The following TFAP4 variants were observed in gnomAD, a reference collection of about 807,000 sequenced individuals.
TFAP4 encodes the protein activating enhancer-binding protein 4.
A neutral mutation model predicts 40.4 loss-of-function variants in TFAP4; 7 were observed. That is an observed-to-expected ratio of 0.17 (90% confidence interval 0.10 to 0.33). TFAP4 has a LOEUF of 0.33. Ranked by LOEUF, TFAP4 falls within the 10% of genes least tolerant of loss-of-function variation. TFAP4 has a pLI of 1.00. For synonymous variants in TFAP4, 218 were observed against 181.4 expected, an observed-to-expected ratio of 1.20 and a Z score of -1.62; for missense variants, 374 against 451.1, an observed-to-expected ratio of 0.83 and a Z score of 1.55.
At position 4,261,786 on chromosome 16, in the gene TFAP4, T is replaced by C; in HGVS notation, c.518A>G (p.Glu173Gly). ...CAGAGGGCGCTGCCTCACCTGCTCC[T>C]CCAGCATCATGCGCACCGAGCGCTC... ...DKERSVRMML[E>G]EQVRSLEAHM... is the part of the protein sequence containing the mutation. Residue 173 changes from glutamate to glycine, a missense_variant, in exon 4 of 7, where the codon GAG (glutamate) becomes GGG (glycine). Glu to Gly is a moderately conservative substitution (Grantham distance 98). This residue lies in a region of TFAP4 where 161 missense variants were observed against 154.2 expected (regional missense o/e 1.04). Transcript: ENST00000204517. 6.2e-7 allele frequency: 1 copy of C among 1,606,462 alleles called. No homozygotes were observed. The highest frequency in any genetic ancestry group is 1.1e-5 in the South Asian group (1 of 90,144).
intron 1 of TFAP4, chr16:4,266,876 T>C (rs945253392): frequency 1.3e-5 from 2 of 152,282 alleles, no homozygotes; most frequent in African/African-American, 4.8e-5. Flanking sequence ...TTCTCTTTTT[T>C]CTTTTGACTG....
At chr16:4,259,388 G>T (rs2052925957) in intron 6 of TFAP4, among the ~76,000 whole-genome samples, 1 of 152,066 alleles carries the variant, frequency 6.6e-6, no homozygotes, top group Non-Finnish European at 1.5e-5. Context: ...ACCCACTTTG[G>T]CCTCCCAAAG....
Position 4,257,634 on chromosome 16 carries a change from C to CA in TFAP4, c.*420dup. On this transcript the variant is annotated 3_prime_UTR_variant, in exon 7 of 7. Coordinates refer to ENST00000204517, the MANE Select transcript of TFAP4 (RefSeq NM_003223.3). Reference sequence around the variant, plus strand: ...TGCTTAAAGGAGAAAGAAGAAAACCCAAAAAGAGGAAGGAAAGGGGATTGA... The same window carrying CA: ...TGCTTAAAGGAGAAAGAAGAAAACCCAAAAAAGAGGAAGGAAAGGGGATTGA... 6.1e-6 allele frequency: 1 copy of CA among 162,840 alleles called. No homozygotes were observed. The highest frequency in any genetic ancestry group is 1.3e-5 in the Non-Finnish European group (1 of 74,098). The allele number at this position is 162,840 out of a possible 1,614,324, so 10.1% of individuals were successfully genotyped here. A position where few individuals can be genotyped will look rare whatever the true frequency, so the allele number is the denominator to read the frequency against.
chr16:4,257,758 G>T lies in TFAP4; in HGVS notation c.*297C>A. 3.2e-6 allele frequency: 1 copy of T among 315,744 alleles called. No homozygotes were observed. The highest frequency in any genetic ancestry group is 2.1e-5 in the African/African-American group (1 of 46,558). 19.6% of individuals were successfully genotyped at this position (315,744 alleles called of 1,614,324 possible). On this transcript the variant is annotated 3_prime_UTR_variant, in exon 7 of 7. Coordinates refer to ENST00000204517, the MANE Select transcript of TFAP4 (RefSeq NM_003223.3). ...AAAAAACATATTTAAAGGAAAAAAT[G>T]CTTTTTGGCAGAGAGAGGCCAGGCA...
intron 3 of TFAP4, 68 bp from the exon 4 acceptor site, chr16:4,262,017 T>C: frequency 6.8e-7 from 1 of 1,477,958 alleles, no homozygotes; most frequent in Non-Finnish European, 9.0e-7. Context: ...TGGGGTTCCA[T>C]CGCAGCCCCC....
In TFAP4 at chr16:4,259,168, G is replaced by A. The variant is rs187237570; in HGVS notation, c.823-919C>T. ...TTGTTTTTTGAGAAAGAGTCTCACC[G>A]TGTCACCCAGGCTGGAGTTCAGTGG... On this transcript the variant is annotated intron_variant, in intron 6 of 6. Coordinates refer to ENST00000204517, the MANE Select transcript of TFAP4 (RefSeq NM_003223.3). Among the ~76,000 whole-genome samples, 167 of 151,968 alleles carry A rather than the reference G, an allele frequency of 1.1e-3. 1 individual carries two copies. Among genetic ancestry groups the A allele is most frequent in the African/African-American group, 3.6e-3 (151 of 41,442 alleles).
Position 4,272,765 on chromosome 16 carries a change from T to G in TFAP4, c.-19A>C. On this transcript the variant is annotated 5_prime_UTR_variant, in exon 1 of 7. Coordinates refer to ENST00000204517, the MANE Select transcript of TFAP4 (RefSeq NM_003223.3). ...ACTCCATAGCGATCGGCCCCCCTCC[T>G]CTGCACGAGCCAGGTCCCGCGATCA... is the stretch of plus-strand genomic sequence containing the variant. 6.2e-7 allele frequency: 1 copy of G among 1,610,408 alleles called. No homozygotes were observed. Among genetic ancestry groups the G allele is most frequent in the South Asian group, 1.1e-5 (1 of 90,866 alleles).
rs371334031 is a variant in TFAP4 at position 4,262,489 on chromosome 16, C to T, written c.255+47G>A. On this transcript the variant is annotated intron_variant, in intron 2 of 6. Coordinates refer to ENST00000204517, the MANE Select transcript of TFAP4 (RefSeq NM_003223.3). Reference sequence around the variant, plus strand: ...ACCAGAGCTCACTTTCCTCTCCCAGCGGGAACCTGCCGGCTCCTCCAGGAA... The same window carrying T: ...ACCAGAGCTCACTTTCCTCTCCCAGTGGGAACCTGCCGGCTCCTCCAGGAA... 1.1e-4 allele frequency: 185 copies of T among 1,613,264 alleles called. 2 individuals carry two copies. The South Asian group carries it at 1.9e-3, about 16-fold the overall frequency.
intron 1 of TFAP4, chr16:4,264,120 T>C (rs1413604332): frequency 6.6e-6 from 1 of 152,574 alleles, no homozygotes; most frequent in Non-Finnish European, 1.5e-5. Context: ...GGAAAAGGGT[T>C]CTGGGCAGCT....
chr16:4,262,441 C>T lies in TFAP4; in HGVS notation c.256-19G>A, dbSNP rs1333681024. 6.2e-7 allele frequency: 1 copy of T among 1,613,892 alleles called. No individual in the cohort carries two copies. The highest frequency in any genetic ancestry group is 1.3e-5 in the African/African-American group (1 of 74,908). The stretch of plus-strand genomic sequence containing the variant: ...TGGCTGCCTGAGGGCGTGGAAAAGC[C>T]GAGAGTCAGGCTGGCAGTGTTTACC... On this transcript the variant is annotated intron_variant, in intron 2 of 6. Transcript: ENST00000204517.
intron 4 of TFAP4, 110 bp from the exon 5 acceptor site, chr16:4,260,705 C>G (rs2052940403): frequency 7.5e-7 from 1 of 1,327,132 alleles, no homozygotes; most frequent in East Asian, 2.7e-5. Flanking sequence ...CAGGGCGGGC[C>G]CCTCTCAACA....
In TFAP4 at chr16:4,272,816, G is replaced by C; in HGVS notation, c.-70C>G. On this transcript the variant is annotated 5_prime_UTR_variant, in exon 1 of 7. Coordinates refer to ENST00000204517, the MANE Select transcript of TFAP4 (RefSeq NM_003223.3). ...GCCGGAGAATGCAAGATGGAAATCCGAATCAAAGGGCAGCGCCGGACGGAG... is the reference window on the plus strand; with the variant it reads ...GCCGGAGAATGCAAGATGGAAATCCCAATCAAAGGGCAGCGCCGGACGGAG... 1 of 1,345,288 alleles carries C rather than the reference G, an allele frequency of 7.4e-7. No homozygotes were observed. The highest frequency in any genetic ancestry group is 1.0e-6 in the Non-Finnish European group (1 of 991,084). 83.3% of individuals were successfully genotyped at this position (1,345,288 alleles called of 1,614,324 possible).
rs544301980 is a variant in TFAP4, at chr16:4,262,851, G to A, written c.90-150C>T. The A allele has an allele frequency of 2.6e-5, 22 of 845,208 alleles. No individual in the cohort carries two copies. The South Asian group carries it at 3.2e-4, about 12-fold the overall frequency. 52.4% of individuals were successfully genotyped at this position (845,208 alleles called of 1,614,324 possible). A position where few individuals can be genotyped will look rare whatever the true frequency, so the allele number is the denominator to read the frequency against. ...ATGGAGGGGTGCTCTCTGGGACACC[G>A]GGGCGGACTGAATCAGCTGGCTGCG... On this transcript the variant is annotated intron_variant, in intron 1 of 6. Coordinates refer to ENST00000204517, the MANE Select transcript of TFAP4 (RefSeq NM_003223.3).
intron 4 of TFAP4, among the ~76,000 whole-genome samples, chr16:4,261,347 T>G (rs1359714318): frequency 6.6e-6 from 1 of 151,082 alleles, no homozygotes; most frequent in Non-Finnish European, 1.5e-5. Flanking sequence ...TGGCACGATC[T>G]CGGCTCACTG....
At chr16:4,258,648 T>C in intron 6 of TFAP4, 1 of 157,964 alleles carries the variant, frequency 6.3e-6, no homozygotes, top group Non-Finnish European at 1.4e-5. Context: ...ACTCCTGACC[T>C]CAGGCAATCT....
Position 4,258,137 on chromosome 16 carries a change from G to A in TFAP4, c.935C>T (p.Thr312Ile), listed in dbSNP as rs2052912852. The A allele has an allele frequency of 6.2e-7, 1 of 1,613,986 alleles. No homozygotes were observed. The highest frequency in any genetic ancestry group is 8.5e-7 in the Non-Finnish European group (1 of 1,179,994). The change falls in exon 7 of 7, where the codon ACC (threonine) becomes ATC (isoleucine). Residue 312 changes from threonine (T) to isoleucine (I), a missense_variant. This residue lies in a region of TFAP4 where 93 missense variants were observed against 79.2 expected (regional missense o/e 1.17). Transcript: ENST00000204517. ...GTCTGAGGCCTCGGAGTCGGAGGCGGTGTCAGAGGTGGGGGCCTCCGGGCA... is the reference window on the plus strand; with the variant it reads ...GTCTGAGGCCTCGGAGTCGGAGGCGATGTCAGAGGTGGGGGCCTCCGGGCA... ...RSCPEAPTSD[T>I]ASDSEASDSD... is the part of the protein sequence containing the mutation.
At chr16:4,272,540 A>G (rs2053047984) in intron 1 of TFAP4, 118 bp downstream of exon 1, 2 of 626,092 alleles carry the variant, frequency 3.2e-6, no homozygotes, top group South Asian at 6.7e-5. Context: ...CCCGGCAGCT[A>G]AGAAAGGCTA....
intron 6 of TFAP4, 36 bp downstream of exon 6, chr16:4,260,054 A>AC (rs1285646445): frequency 6.3e-7 from 1 of 1,589,000 alleles, no homozygotes; most frequent in South Asian, 1.1e-5. Flanking sequence ...CCGGAGTATG[A>AC]CCCCCACAAG....
chr16:4,261,680 T>G, intron 4 of TFAP4, 99 bp downstream of exon 4: 1 of 1,361,026 alleles, frequency 7.3e-7, no homozygotes, highest in South Asian at 1.5e-5. Context: ...GGTGCTCCTG[T>G]AAATAGGGCT....
Sources: gnomAD v4.1 joint callset for allele counts (sites outside exome capture counted in the v4.1 genomes callset) on GRCh38, gnomAD v4.1.1 for gene constraint, gnomAD v4.1.1 regional missense constraint, MANE v1.5 for transcripts, NCBI Gene and HGNC (gene_info 2026-07-23, HGNC 2026-07-21) for gene names.